The following F13A1 variants were observed in gnomAD, a reference collection of about 807,000 sequenced individuals.
The protein encoded by F13A1 is coagulation factor XIII A chain, also known as FSF, A subunit.
In F13A1, 47 loss-of-function variants were observed where a neutral mutation model predicts 80.1. The observed-to-expected ratio is 0.59, with a 90% CI of 0.46 to 0.75. The LOEUF (loss-of-function observed/expected upper bound fraction) is 0.75. Ranked by LOEUF, F13A1 falls within the 30% of genes least tolerant of loss-of-function variation. The pLI, the probability that F13A1 is intolerant of heterozygous loss-of-function variation, is 0.00. For missense variants in F13A1, 817 were observed against 930.4 expected (o/e 0.88, Z 1.59); for synonymous variants, 349 against 344.9 (o/e 1.01, Z -0.13).
chr6:6,186,320 T>C (rs984346570), intron 10 of F13A1, among the ~76,000 whole-genome samples: 65 of 152,266 alleles, frequency 4.3e-4, no homozygotes, highest in South Asian at 2.1e-3. Context: ...TGAATGGTAA[T>C]GCCTAGGTTT....
intron 3 of F13A1, among the ~76,000 whole-genome samples, chr6:6,286,879 C>T (rs1758146795): frequency 1.3e-5 from 2 of 152,206 alleles, no homozygotes; most frequent in Admixed American, 6.5e-5. Context: ...TAATACCTGT[C>T]TGGCTCTGGC....
intron 2 of F13A1, among the ~76,000 whole-genome samples, chr6:6,318,076 C>G (rs1030507669): frequency 1.3e-5 from 2 of 152,066 alleles, no homozygotes; most frequent in African/African-American, 4.8e-5. Context: ...TGGCACTTCT[C>G]CCCGGCTCTG....
In F13A1 at chr6:6,173,899, T is replaced by C. The variant is rs535298555; in HGVS notation, c.1747+681A>G. 2.6e-5 allele frequency among the ~76,000 whole-genome samples: 4 copies of C among 152,176 alleles called. No homozygotes were observed. The South Asian group carries it at 8.3e-4, about 32-fold the overall frequency. The stretch of plus-strand genomic sequence containing the variant: ...GTCTGCTTGGGATCTTGTCAAAACA[T>C]GGATTTTGATTCAGAGGGTGTGGGG... On this transcript the variant is annotated intron_variant, in intron 12 of 14. Transcript: ENST00000264870.
At chr6:6,145,809 C>T (rs1167136763) in intron 14 of F13A1, 37 bp from the exon 15 acceptor site, 1 of 1,613,722 alleles carries the variant, frequency 6.2e-7, no homozygotes, top group African/African-American at 1.3e-5. Context: ...GTTGGAAGAT[C>T]CAGCTTTCCA....
At position 6,145,774 on chromosome 6, in the gene F13A1, T is replaced by C. The variant is rs1760266753; in HGVS notation, c.2046-2A>G. 5 of 1,613,866 alleles carry C rather than the reference T, an allele frequency of 3.1e-6. No homozygotes were observed. The highest frequency in any genetic ancestry group is 4.2e-6 in the Non-Finnish European group (5 of 1,179,936). ...ACGGTGGAGTTGGGCCGGATTTCAC[T>C]GAAAGGATGGAAAAGAGAGGAGAGG... is the stretch of plus-strand genomic sequence containing the variant. On this transcript the variant is annotated splice_acceptor_variant, in intron 14 of 14. Coordinates refer to ENST00000264870, the MANE Select transcript of F13A1 (RefSeq NM_000129.4). LOFTEE classifies it high-confidence loss of function.
intron 6 of F13A1, among the ~76,000 whole-genome samples, chr6:6,226,633 C>T (rs1347465088): frequency 3.9e-5 from 6 of 152,108 alleles, no homozygotes; most frequent in East Asian, 1.9e-4. Context: ...CTGTCTTCCC[C>T]GCTGGTTTAT....
intron 13 of F13A1, among the ~76,000 whole-genome samples, chr6:6,161,724 T>A (rs1459158262): frequency 6.6e-6 from 1 of 152,190 alleles, no homozygotes. Flanking sequence ...CCTGTTTCCA[T>A]GTGAGGATCA....
intron 13 of F13A1, among the ~76,000 whole-genome samples, chr6:6,154,918 A>G (rs1760446956): frequency 1.3e-5 from 2 of 152,240 alleles, no homozygotes; most frequent in Admixed American, 6.5e-5. Context: ...TCTTTCTGGA[A>G]AAAATATTTT....
chr6:6,231,559 T>C (rs1164110642), intron 6 of F13A1, among the ~76,000 whole-genome samples: 5 of 152,158 alleles, frequency 3.3e-5, no homozygotes, highest in Admixed American at 2.6e-4. Context: ...GACATCCAAA[T>C]ACAAGAAGCA....
At chr6:6,172,667 G>A (rs969264928) in intron 12 of F13A1, among the ~76,000 whole-genome samples, 1 of 151,948 alleles carries the variant, frequency 6.6e-6, no homozygotes, top group Non-Finnish European at 1.5e-5. Context: ...GGCTGGTCTC[G>A]AGCTCCTGAC....
chr6:6,233,319 C>G (rs545603999), intron 6 of F13A1, among the ~76,000 whole-genome samples: 1 of 152,022 alleles, frequency 6.6e-6, no homozygotes, highest in Non-Finnish European at 1.5e-5. Context: ...ACTATGAACA[C>G]CTTAATGCAC....
At chr6:6,276,527 A>G in intron 3 of F13A1, among the ~76,000 whole-genome samples, 1 of 152,214 alleles carries the variant, frequency 6.6e-6, no homozygotes, top group East Asian at 1.9e-4. Flanking sequence ...AATCTAGAGC[A>G]GTTTCTATTT....
rs1453398086 is a variant in F13A1 at position 6,248,308 on chromosome 6, T to C, written c.798+4A>G. The C allele has an allele frequency of 6.2e-7, 1 of 1,612,786 alleles. No individual in the cohort carries two copies. Among genetic ancestry groups the C allele is most frequent in the Non-Finnish European group, 8.5e-7 (1 of 1,178,928 alleles). On this transcript the variant is annotated splice_donor_region_variant and intron_variant, in intron 6 of 14. Transcript: ENST00000264870. The stretch of plus-strand genomic sequence containing the variant: ...GATTTTAGGTATCAGTAATTGCTGC[T>C]TACCATTGCAGACCCCACACGGCTG...
At chr6:6,266,852 A>C (rs1225632200) in intron 3 of F13A1, 43 bp from the exon 4 acceptor site, 1 of 1,613,744 alleles carries the variant, frequency 6.2e-7, no homozygotes, top group African/African-American at 1.3e-5. Flanking sequence ...TTGATTTCAC[A>C]AGCCATTTTT....
At chr6:6,228,558 AC>A (rs1381554310) in intron 6 of F13A1, among the ~76,000 whole-genome samples, 1 of 151,884 alleles carries the variant, frequency 6.6e-6, no homozygotes, top group African/African-American at 2.4e-5. Flanking sequence ...ACATGGTGAA[AC>A]CCCATCTCTA....
rs372355803 is a variant in F13A1, at chr6:6,298,640, G to T, written c.319+6711C>A. 6.7e-4 allele frequency among the ~76,000 whole-genome samples: 100 copies of T among 149,480 alleles called. 1 individual carries two copies. The East Asian group carries it at 0.017, about 25-fold the overall frequency. ...ATCCTTTTATCTTGAGCCTATGTGT[G>T]TCTCTGCATGTGAGATGGGTTTCCT... On this transcript the variant is annotated intron_variant, in intron 3 of 14. Coordinates refer to ENST00000264870, the MANE Select transcript of F13A1 (RefSeq NM_000129.4).
At chr6:6,218,408 G>A (rs1271388031) in intron 8 of F13A1, among the ~76,000 whole-genome samples, 3 of 152,130 alleles carry the variant, frequency 2.0e-5, no homozygotes, top group Admixed American at 1.3e-4. Flanking sequence ...TCATTAAACT[G>A]TCCAGTGATT....
chr6:6,224,158 T>G (rs1335730161), intron 7 of F13A1, among the ~76,000 whole-genome samples: 1 of 152,154 alleles, frequency 6.6e-6, no homozygotes, highest in East Asian at 1.9e-4. Flanking sequence ...GATCTCTAAT[T>G]GCTCAGGGGC....
chr6:6,237,542 C>T (rs1388138333), intron 6 of F13A1, among the ~76,000 whole-genome samples: 1 of 152,156 alleles, frequency 6.6e-6, no homozygotes, highest in Non-Finnish European at 1.5e-5. Context: ...TTCTCGCTCC[C>T]TGGAATGTCC....
Sources: allele counts gnomAD v4.1 joint callset (sites outside exome capture counted in the v4.1 genomes callset), GRCh38; gene constraint gnomAD v4.1.1; transcripts MANE v1.5; gene names NCBI Gene and HGNC (gene_info 2026-07-23, HGNC 2026-07-21).